The following ZNF26 variants were observed in gnomAD, a reference collection of about 807,000 sequenced individuals.
ZNF26 encodes the protein zinc finger protein 26, also known as epididymis luminal protein 179.
In ZNF26, 32 loss-of-function variants were observed where a neutral mutation model predicts 54.9. The observed-to-expected ratio is 0.58, with a 90% CI of 0.44 to 0.78. The LOEUF is 0.78. ZNF26 is among the 30% of genes least tolerant of loss of function. The pLI is 0.00. For synonymous variants in ZNF26, 221 were observed against 209.2 expected (o/e 1.06, Z -0.49); for missense variants, 524 against 634.0 (o/e 0.83, Z 1.86).
chr12:132,992,171 T>A (rs1469282027), intron 1 of ZNF26, among the ~76,000 whole-genome samples: 1 of 152,108 alleles, frequency 6.6e-6, no homozygotes, highest in Non-Finnish European at 1.5e-5. Flanking sequence ...TGTATCTGTG[T>A]TTCTGACCTG....
chr12:133,006,734 A>G (rs900266539), intron 1 of ZNF26: 1 of 243,276 alleles, frequency 4.1e-6, no homozygotes. Flanking sequence ...AGCTAGGATT[A>G]CAAGTGCCTG....
chr12:133,008,208 T>G (rs939503836), intron 3 of ZNF26, among the ~76,000 whole-genome samples: 8 of 152,280 alleles, frequency 5.3e-5, no homozygotes, highest in African/African-American at 1.9e-4. Flanking sequence ...TTCCCAGACT[T>G]TACTCTCAGT....
In ZNF26 at chr12:133,023,805, A is replaced by G. The variant is rs1454938838; in HGVS notation, c.*12324A>G. ...GTAACTTCGCAGGATATAAAAAGCC[A>G]TGCGGCTTCTGCCTTGATTGCAGAG... On this transcript the variant is annotated 3_prime_UTR_variant, in exon 4 of 4. Transcript: ENST00000328654. The G allele has an allele frequency of 2.0e-5, 3 of 152,272 alleles. No individual in the cohort carries two copies. Among genetic ancestry groups the G allele is most frequent in the Non-Finnish European group, 2.9e-5 (2 of 68,048 alleles). The allele number at this position is 152,272 out of a possible 1,614,324, so 9.4% of individuals were successfully genotyped here.
rs1369579352 is a variant in ZNF26, at chr12:133,001,680, C to G, written c.34-5362C>G. On this transcript the variant is annotated intron_variant, in intron 1 of 3. Coordinates refer to ENST00000328654, the MANE Select transcript of ZNF26 (RefSeq NM_019591.4). This position sits in a 1 kb window ranked among gnomAD's most constrained non-coding sequence, Gnocchi z 4.7. ...TGCTAATGAGCTCAAGTGTCAAGTTCGGGAATCTTCTGGGTGTTCCTTGGG... is the reference window on the plus strand; with the variant it reads ...TGCTAATGAGCTCAAGTGTCAAGTTGGGGAATCTTCTGGGTGTTCCTTGGG... 3.9e-6 allele frequency: 5 copies of G among 1,289,010 alleles called. No homozygotes were observed. The African/African-American group carries it at 6.1e-5, about 16-fold the overall frequency. 79.8% of individuals were successfully genotyped at this position (1,289,010 alleles called of 1,614,324 possible). A position where few individuals can be genotyped will look rare whatever the true frequency, so the allele number is the denominator to read the frequency against.
At chr12:132,990,870 TA>T (rs1952933385) in intron 1 of ZNF26, among the ~76,000 whole-genome samples, 2 of 152,216 alleles carry the variant, frequency 1.3e-5, no homozygotes, top group Non-Finnish European at 2.9e-5. Context: ...TTTTTCTTTT[TA>T]TTTTTTTGAT....
chr12:133,011,194 TC>T lies in ZNF26; in HGVS notation c.1316del (p.Ser439TyrfsTer3), dbSNP rs1289311403. On this transcript the variant is annotated frameshift_variant, in exon 4 of 4. Coordinates refer to ENST00000328654, the MANE Select transcript of ZNF26 (RefSeq NM_019591.4). LOFTEE classifies it high-confidence loss of function. ...SLCERAFCGK[S>X]QLIIHQRTHS... ...GTGTGAGAGAGCCTTTTGTGGAAAA[TC>T]ACAGCTGATTATACATCAGAGAACT... 6.2e-7 allele frequency: 1 copy of T among 1,613,858 alleles called. No individual in the cohort carries two copies. The highest frequency in any genetic ancestry group is 8.5e-7 in the Non-Finnish European group (1 of 1,179,996).
At chr12:133,009,026 C>T (rs1953408188) in intron 3 of ZNF26, among the ~76,000 whole-genome samples, 1 of 152,042 alleles carries the variant, frequency 6.6e-6, no homozygotes, top group African/African-American at 2.4e-5. Flanking sequence ...AACTCACTAT[C>T]GTGAAGACTG....
chr12:132,997,929 A>C (rs1953125532), intron 1 of ZNF26, among the ~76,000 whole-genome samples: 1 of 152,212 alleles, frequency 6.6e-6, no homozygotes, highest in South Asian at 2.1e-4. Flanking sequence ...CCAGGAAATA[A>C]TTCAGTTAGC....
At position 133,007,452 on chromosome 12, in the gene ZNF26, A is replaced by G; in HGVS notation, c.176A>G (p.Lys59Arg). Reference protein sequence around the residue: ...NLISVGYHGTKPDLIFKLEQG... With the variant: ...NLISVGYHGTRPDLIFKLEQG... ...CCATCAACAGGGTATCATGGTACCA[A>G]GCCTGACTTAATCTTCAAGTTGGAA... is the stretch of plus-strand genomic sequence containing the variant. The change falls in exon 3 of 4, where the codon AAG becomes AGG. Residue 59 changes from lysine to arginine, a missense_variant. Physicochemically the swap from Lys to Arg is conservative, Grantham distance 26. Coordinates refer to ENST00000328654, the MANE Select transcript of ZNF26 (RefSeq NM_019591.4). 1 of 1,613,726 alleles carries G rather than the reference A, an allele frequency of 6.2e-7. No homozygotes were observed. The highest frequency in any genetic ancestry group is 8.5e-7 in the Non-Finnish European group (1 of 1,179,752).
Position 133,017,352 on chromosome 12 carries a change from G to A in ZNF26, c.*5871G>A, listed in dbSNP as rs930185880. 26 of 152,280 alleles carry A rather than the reference G, an allele frequency of 1.7e-4. No individual in the cohort carries two copies. Among genetic ancestry groups the A allele is most frequent in the African/African-American group, 5.8e-4 (24 of 41,546 alleles). 9.4% of individuals were successfully genotyped at this position (152,280 alleles called of 1,614,324 possible). A position where few individuals can be genotyped will look rare whatever the true frequency, so the allele number is the denominator to read the frequency against. On this transcript the variant is annotated 3_prime_UTR_variant, in exon 4 of 4. Coordinates refer to ENST00000328654, the MANE Select transcript of ZNF26 (RefSeq NM_019591.4). ...TATGCTTACCCCACCACCTAGAAGCGGCTGGTGTGACAGAGCATTGGATGA... is the reference window on the plus strand; with the variant it reads ...TATGCTTACCCCACCACCTAGAAGCAGCTGGTGTGACAGAGCATTGGATGA...
chr12:133,010,565 C>T lies in ZNF26; in HGVS notation c.686C>T (p.Pro229Leu). Residue 229 changes from proline to leucine, a missense_variant, in exon 4 of 4, where the codon CCC becomes CTC. Transcript: ENST00000328654. Reference protein sequence around the residue: ...AHQRVHTGEKPYSCSECEKVF... With the variant: ...AHQRVHTGEKLYSCSECEKVF... ...CAGAGAGTTCATACAGGAGAAAAAC[C>T]CTACTCATGTAGTGAGTGCGAGAAG... The T allele has an allele frequency of 1.2e-6, 2 of 1,614,078 alleles. No homozygotes were observed. The highest frequency in any genetic ancestry group is 1.7e-5 in the Admixed American group (1 of 60,010).
At chr12:133,000,891 T>C (rs1953203631) in intron 1 of ZNF26, among the ~76,000 whole-genome samples, 1 of 152,062 alleles carries the variant, frequency 6.6e-6, no homozygotes. Context: ...AAAGAAATAG[T>C]AAAAGGCTTT....
At chr12:133,002,977 G>T (rs1953250994) in intron 1 of ZNF26, among the ~76,000 whole-genome samples, 2 of 152,056 alleles carry the variant, frequency 1.3e-5, no homozygotes, top group Non-Finnish European at 2.9e-5. Context: ...GTCATGTGTT[G>T]GCTGAGTAAC....
In ZNF26 at chr12:133,017,446, A is replaced by G. The variant is rs1953580318; in HGVS notation, c.*5965A>G. The G allele has an allele frequency of 6.6e-6, 1 of 152,200 alleles. No homozygotes were observed. Among genetic ancestry groups the G allele is most frequent in the African/African-American group, 2.4e-5 (1 of 41,438 alleles). The allele number at this position is 152,200 out of a possible 1,614,324, so 9.4% of individuals were successfully genotyped here. A position where few individuals can be genotyped will look rare whatever the true frequency, so the allele number is the denominator to read the frequency against. On this transcript the variant is annotated 3_prime_UTR_variant, in exon 4 of 4. Transcript: ENST00000328654. ...GACAAGCACAGGGCACCGTCCTCCA[A>G]GATGCAGTCCTGGAATCACAGACTT...
rs939945756 is a variant in ZNF26, at chr12:133,012,236, G to A, written c.*755G>A. On this transcript the variant is annotated 3_prime_UTR_variant, in exon 4 of 4. Coordinates refer to ENST00000328654, the MANE Select transcript of ZNF26 (RefSeq NM_019591.4). ...GCCTGTTGTCCATTGATTGACATGAGCACCCCTGTTTTCTCTGGAGAAATA... is the reference window on the plus strand; with the variant it reads ...GCCTGTTGTCCATTGATTGACATGAACACCCCTGTTTTCTCTGGAGAAATA... 6.6e-6 allele frequency: 1 copy of A among 152,128 alleles called. No homozygotes were observed. Among genetic ancestry groups the A allele is most frequent in the Non-Finnish European group, 1.5e-5 (1 of 68,040 alleles). The allele number at this position is 152,128 out of a possible 1,614,324, so 9.4% of individuals were successfully genotyped here. A position where few individuals can be genotyped will look rare whatever the true frequency, so the allele number is the denominator to read the frequency against.
At chr12:132,999,317 C>T (rs1014428494) in intron 1 of ZNF26, among the ~76,000 whole-genome samples, 3 of 151,884 alleles carry the variant, frequency 2.0e-5, no homozygotes, top group Non-Finnish European at 2.9e-5. Context: ...TGCAGTGGCA[C>T]GATCTCAGCT....
chr12:132,989,462 T>C (rs1171217905), intron 1 of ZNF26, among the ~76,000 whole-genome samples: 2 of 152,180 alleles, frequency 1.3e-5, no homozygotes, highest in Non-Finnish European at 1.5e-5. Context: ...ACCAGAATTG[T>C]TTTGGATTTT....
At position 133,010,969 on chromosome 12, in the gene ZNF26, C is replaced by T; in HGVS notation, c.1090C>T (p.His364Tyr). ...KTQLIVHQGV[H>Y]TGNNPYQCGE... The stretch of plus-strand genomic sequence containing the variant: ...ACAACTCATTGTACATCAGGGAGTT[C>T]ACACAGGAAATAATCCTTATCAATG... The change falls in exon 4 of 4, where the codon CAC (histidine) becomes TAC (tyrosine). Residue 364 changes from histidine to tyrosine, a missense_variant. By Grantham distance (83) the His-to-Tyr change is moderately conservative (BLOSUM62 2). Transcript: ENST00000328654. 1.2e-6 allele frequency: 2 copies of T among 1,614,130 alleles called. No homozygotes were observed. Among genetic ancestry groups the T allele is most frequent in the Non-Finnish European group, 1.7e-6 (2 of 1,180,014 alleles).
intron 3 of ZNF26, among the ~76,000 whole-genome samples, chr12:133,008,963 TA>T (rs1953405915): frequency 6.6e-6 from 1 of 151,440 alleles, no homozygotes; most frequent in African/African-American, 2.4e-5. Flanking sequence ...AAAGCAGGAG[TA>T]AGGCGGGGCG....
Sources: gnomAD v4.1 joint callset for allele counts (sites outside exome capture counted in the v4.1 genomes callset) on GRCh38, gnomAD v4.1.1 for gene constraint, Gnocchi (gnomAD v3.1) non-coding constraint, MANE v1.5 for transcripts, NCBI Gene and HGNC (gene_info 2026-07-23, HGNC 2026-07-21) for gene names.